Variants in RAB12 observed in about 807,000 individuals in gnomAD.
The protein encoded by RAB12 is RAB12, member RAS oncogene family, also known as ras-related protein Rab-12.
In RAB12, 11 loss-of-function variants were observed where a neutral mutation model predicts 28.4. The observed-to-expected ratio is 0.39, with a 90% CI of 0.24 to 0.64. RAB12 has a LOEUF of 0.64. RAB12 is among the 30% of genes least tolerant of loss of function. RAB12 has a pLI of 0.50. For missense variants in RAB12, 276 were observed against 351.1 expected, an observed-to-expected ratio of 0.79 and a Z score of 1.71; for synonymous variants, 138 against 145.3, an observed-to-expected ratio of 0.95 and a Z score of 0.36.
At position 8,638,913 on chromosome 18, in the gene RAB12, C is replaced by T. The variant is rs990957291; in HGVS notation, c.*651C>T. On this transcript the variant is annotated 3_prime_UTR_variant, in exon 6 of 6. Transcript: ENST00000649141. ...GCTTCCTAAGGGATGTACCTTTATG[C>T]TTTTAAGAACTACAAAGATTCAATA... 4.6e-5 allele frequency: 7 copies of T among 152,086 alleles called. No individual in the cohort carries two copies. The highest frequency in any genetic ancestry group is 7.2e-5 in the African/African-American group (3 of 41,408). 9.4% of individuals were successfully genotyped at this position (152,086 alleles called of 1,614,324 possible). A position where few individuals can be genotyped will look rare whatever the true frequency, so the allele number is the denominator to read the frequency against.
chr18:8,610,729 G>A (rs2096003304), intron 1 of RAB12, among the ~76,000 whole-genome samples: 1 of 152,170 alleles, frequency 6.6e-6, no homozygotes, highest in Non-Finnish European at 1.5e-5. Context: ...GTTGGATGTG[G>A]GTAGCAGTTG....
chr18:8,634,257 T>G (rs371282711), intron 3 of RAB12, among the ~76,000 whole-genome samples: 1 of 87,182 alleles, frequency 1.1e-5, no homozygotes, highest in Admixed American at 1.3e-4. Context: ...CTGGGCAACA[T>G]AGTGGGACTC....
rs778071207 is a variant in RAB12, at chr18:8,633,264, A to G, written c.651A>G (p.Val217=). 2.2e-5 allele frequency: 35 copies of G among 1,613,848 alleles called. No individual in the cohort carries two copies. The highest frequency in any genetic ancestry group is 1.6e-4 in the Middle Eastern group (1 of 6,082). Residue 217 remains valine (V), a synonymous_variant, in exon 3 of 6, where the codon GTA becomes GTG. Transcript: ENST00000649141. ...YYRSAKGIIL[V]YDITKKETFD... ...GAAGTGCCAAGGGGATCATATTAGT[A>G]TATGATATCACTAAGAAGGAGACAT...
intron 2 of RAB12, chr18:8,632,755 A>G (rs1273310970): frequency 9.3e-6 from 2 of 214,684 alleles, no homozygotes; most frequent in Non-Finnish European, 1.8e-5. Flanking sequence ...GGTATGACAA[A>G]TGGTTTTGTA....
rs570993655 is a variant in RAB12 at position 8,623,748 on chromosome 18, T to C, written c.515-1190T>C. 2.6e-5 allele frequency among the ~76,000 whole-genome samples: 4 copies of C among 152,382 alleles called. No individual in the cohort carries two copies. The East Asian group carries it at 7.7e-4, about 29-fold the overall frequency. ...CAGGGACATCTGAAATTATGTGTTATGTGAGAGGTTAAGAATTGACATGGA... is the reference window on the plus strand; with the variant it reads ...CAGGGACATCTGAAATTATGTGTTACGTGAGAGGTTAAGAATTGACATGGA... On this transcript the variant is annotated intron_variant, in intron 1 of 5. Coordinates refer to ENST00000649141, the MANE Select transcript of RAB12 (RefSeq NM_001025300.3).
intron 1 of RAB12, among the ~76,000 whole-genome samples, chr18:8,611,365 A>G (rs1442684): frequency 0.99 from 151,207 of 152,276 alleles, 75,088 homozygotes; most frequent in Middle Eastern, 1. Context: ...TAAAAATGAG[A>G]GATAATAGAG....
intron 1 of RAB12, among the ~76,000 whole-genome samples, chr18:8,621,945 G>T (rs994563661): frequency 5.9e-5 from 9 of 152,146 alleles, no homozygotes; most frequent in Admixed American, 5.9e-4. Context: ...CTTATTTCCT[G>T]ATTTTGAATA....
chr18:8,609,500 G>GGCA lies in RAB12; in HGVS notation c.64_66dup (p.Ser22dup). 1 of 150,438 alleles carries GGCA rather than the reference G, an allele frequency of 6.6e-6. No homozygotes were observed. The highest frequency in any genetic ancestry group is 1.5e-5 in the Non-Finnish European group (1 of 67,506). The allele number at this position is 150,438 out of a possible 1,614,324, so 9.3% of individuals were successfully genotyped here. A position where few individuals can be genotyped will look rare whatever the true frequency, so the allele number is the denominator to read the frequency against. On this transcript the variant is annotated inframe_insertion, in exon 1 of 6. Coordinates refer to ENST00000649141, the MANE Select transcript of RAB12 (RefSeq NM_001025300.3). ...TTCCTCCTCTCCCGGCGGCGGCGGC[G>GGCA]GCAGCGGCGGAGGAGGAGGAGGAGG...
In RAB12 at chr18:8,624,899, T is replaced by C. The variant is rs201887432; in HGVS notation, c.515-39T>C. 3.9e-4 allele frequency: 485 copies of C among 1,251,500 alleles called. 3 individuals carry two copies. The Admixed American group carries it at 8.2e-3, about 21-fold the overall frequency. The allele number at this position is 1,251,500 out of a possible 1,614,324, so 77.5% of individuals were successfully genotyped here. A position where few individuals can be genotyped will look rare whatever the true frequency, so the allele number is the denominator to read the frequency against. ...TTATTTTGTATGACAAATTGCATCT[T>C]TGTTGTTTTTGCTTCACATTTATTT... is the stretch of plus-strand genomic sequence containing the variant. On this transcript the variant is annotated intron_variant, in intron 1 of 5. Coordinates refer to ENST00000649141, the MANE Select transcript of RAB12 (RefSeq NM_001025300.3).
chr18:8,619,947 G>C (rs981178460), intron 1 of RAB12, among the ~76,000 whole-genome samples: 3 of 151,842 alleles, frequency 2.0e-5, no homozygotes, highest in African/African-American at 7.3e-5. Context: ...GACCAGCCTG[G>C]GCAACATAGT....
intron 1 of RAB12, among the ~76,000 whole-genome samples, chr18:8,622,444 G>A (rs1477220770): frequency 2.0e-5 from 3 of 152,092 alleles, no homozygotes; most frequent in Admixed American, 6.5e-5. Flanking sequence ...GTCACATGTC[G>A]GTAGGTTCCG....
chr18:8,628,331 C>T (rs2096014001), intron 2 of RAB12, among the ~76,000 whole-genome samples: 1 of 152,022 alleles, frequency 6.6e-6, no homozygotes, highest in Non-Finnish European at 1.5e-5. Flanking sequence ...ATTCTTTGGC[C>T]GTACCTGATA....
intron 1 of RAB12, among the ~76,000 whole-genome samples, chr18:8,614,928 T>C (rs1460731095): frequency 6.6e-6 from 1 of 152,230 alleles, no homozygotes; most frequent in African/African-American, 2.4e-5. Flanking sequence ...TGTGCGGCAG[T>C]GCTCTAAACT....
intron 1 of RAB12, among the ~76,000 whole-genome samples, chr18:8,610,367 C>A (rs759065357): frequency 6.6e-6 from 1 of 152,262 alleles, no homozygotes; most frequent in Non-Finnish European, 1.5e-5. Context: ...GGGTGTGATC[C>A]CTGCGCAACC....
intron 1 of RAB12, among the ~76,000 whole-genome samples, chr18:8,611,959 T>C (rs2096004072): frequency 6.6e-6 from 1 of 152,218 alleles, no homozygotes. Context: ...TCATGGCCCC[T>C]GGCCTGCTGC....
intron 2 of RAB12, among the ~76,000 whole-genome samples, chr18:8,632,123 A>G (rs1469541093): frequency 6.6e-6 from 1 of 151,940 alleles, no homozygotes; most frequent in Non-Finnish European, 1.5e-5. Context: ...CTCTACTAAA[A>G]ATATATTAGC....
At chr18:8,612,786 G>T (rs919888532) in intron 1 of RAB12, among the ~76,000 whole-genome samples, 1 of 152,080 alleles carries the variant, frequency 6.6e-6, no homozygotes, top group Admixed American at 6.5e-5. Context: ...TCTTCCTGCC[G>T]CAGCCTCCTG....
At chr18:8,637,671 C>A (rs533229240) in intron 5 of RAB12, among the ~76,000 whole-genome samples, 14 of 152,290 alleles carry the variant, frequency 9.2e-5, no homozygotes, top group African/African-American at 3.1e-4. Context: ...AGTCAGAAAT[C>A]TGAGTATAAC....
intron 1 of RAB12, among the ~76,000 whole-genome samples, chr18:8,615,642 A>G (rs2096006332): frequency 6.6e-6 from 1 of 152,170 alleles, no homozygotes; most frequent in African/African-American, 2.4e-5. Context: ...TTATACCCAC[A>G]TATGCTGTGT....
Sources: gnomAD v4.1 joint callset for allele counts (sites outside exome capture counted in the v4.1 genomes callset) on GRCh38, gnomAD v4.1.1 for gene constraint, MANE v1.5 for transcripts, NCBI Gene and HGNC (gene_info 2026-07-23, HGNC 2026-07-21) for gene names.